Variants in CIITA observed in about 807,000 individuals in gnomAD.
The protein encoded by CIITA is MHC class II transactivator.
In CIITA, 72 loss-of-function variants were observed where a neutral mutation model predicts 115.1. The ratio of observed to expected loss-of-function variants is 0.63; its 90% confidence interval spans 0.52 to 0.76. The LOEUF (loss-of-function observed/expected upper bound fraction) is 0.76. Among genes scored for constraint, CIITA ranks in the 30% least tolerant of loss-of-function variants. CIITA has a pLI of 0.00. For missense variants in CIITA, 1,617 were observed against 1,463.8 expected (o/e 1.10, Z -1.71); for synonymous variants, 763 against 635.6 (o/e 1.20, Z -3.02).
intron 1 of CIITA, among the ~76,000 whole-genome samples, chr16:10,891,973 CG>C (rs2037634503): frequency 6.6e-6 from 1 of 152,144 alleles, no homozygotes; most frequent in South Asian, 2.1e-4. Context: ...CTGTGACATC[CG>C]GGGGTCTGTG....
intron 10 of CIITA, among the ~76,000 whole-genome samples, chr16:10,905,933 T>A (rs1283896231): frequency 6.6e-6 from 1 of 152,090 alleles, no homozygotes; most frequent in East Asian, 1.9e-4. Context: ...ACACCTGTAA[T>A]CCCAGCACTT....
At position 10,927,131 on chromosome 16, in the gene CIITA, T is replaced by TA. The variant is rs561822463; in HGVS notation, c.*3277dup. Reference sequence around the variant, plus strand: ...ATTATGTGAAGGTGTGGTGAGCTAATACGTTAAGAATTGGAGCTCAATAAC... The same window carrying TA: ...ATTATGTGAAGGTGTGGTGAGCTAATAACGTTAAGAATTGGAGCTCAATAAC... On this transcript the variant is annotated 3_prime_UTR_variant, in exon 20 of 20. Coordinates refer to ENST00000324288, the MANE Select transcript of CIITA (RefSeq NM_000246.4). 1.5e-3 allele frequency: 229 copies of TA among 152,366 alleles called. 1 individual carries two copies. The highest frequency in any genetic ancestry group is 5.1e-3 in the African/African-American group (213 of 41,592). 9.4% of individuals were successfully genotyped at this position (152,366 alleles called of 1,614,324 possible). A position where few individuals can be genotyped will look rare whatever the true frequency, so the allele number is the denominator to read the frequency against.
At chr16:10,905,740 G>A (rs748149701) in intron 10 of CIITA, among the ~76,000 whole-genome samples, 8 of 150,966 alleles carry the variant, frequency 5.3e-5, no homozygotes, top group Admixed American at 6.6e-5. Flanking sequence ...CCAGCCTGGG[G>A]CACAGGGCAG....
In CIITA at chr16:10,932,250, T is replaced by C. The variant is rs544511986; in HGVS notation, c.*8395T>C. On this transcript the variant is annotated 3_prime_UTR_variant, in exon 20 of 20. Coordinates refer to ENST00000324288, the MANE Select transcript of CIITA (RefSeq NM_000246.4). The stretch of plus-strand genomic sequence containing the variant: ...GCTCCTGTGTCTTGCAATGGCAGCC[T>C]TGGCAAACGCTAAATGAAAATCGTG... The C allele has an allele frequency of 6.6e-6, 1 of 152,392 alleles. No homozygotes were observed. Among genetic ancestry groups the C allele is most frequent in the African/African-American group, 2.4e-5 (1 of 41,590 alleles). 9.4% of individuals were successfully genotyped at this position (152,392 alleles called of 1,614,324 possible).
Position 10,918,546 on chromosome 16 carries a change from C to T in CIITA, c.3149+20C>T, listed in dbSNP as rs1400796580. Reference sequence around the variant, plus strand: ...GCTAAGGTGAGTGGGGCCCCGGATACCGGTCAGGTGCTGAGCTGGGGGGCT... The same window carrying T: ...GCTAAGGTGAGTGGGGCCCCGGATATCGGTCAGGTGCTGAGCTGGGGGGCT... On this transcript the variant is annotated intron_variant, in intron 16 of 19. Coordinates refer to ENST00000324288, the MANE Select transcript of CIITA (RefSeq NM_000246.4). 1 of 1,610,320 alleles carries T rather than the reference C, an allele frequency of 6.2e-7. No individual in the cohort carries two copies. The highest frequency in any genetic ancestry group is 1.3e-5 in the African/African-American group (1 of 74,866).
intron 10 of CIITA, 116 bp downstream of exon 10, chr16:10,904,928 C>A: frequency 9.6e-7 from 1 of 1,036,412 alleles, no homozygotes; most frequent in Non-Finnish European, 1.5e-6. Context: ...CTCACACACT[C>A]ATTTATTTAT....
intron 3 of CIITA, among the ~76,000 whole-genome samples, chr16:10,897,140 C>A (rs554053889): frequency 6.6e-6 from 1 of 152,300 alleles, no homozygotes; most frequent in South Asian, 2.1e-4. Flanking sequence ...AAACAACATA[C>A]CTGACACTGA....
In CIITA at chr16:10,927,102, T is replaced by C. The variant is rs2040563013; in HGVS notation, c.*3247T>C. On this transcript the variant is annotated 3_prime_UTR_variant, in exon 20 of 20. Transcript: ENST00000324288. ...GGGCATAACCACAGCACCTTCTTTATAGGATTATGTGAAGGTGTGGTGAGC... is the reference window on the plus strand; with the variant it reads ...GGGCATAACCACAGCACCTTCTTTACAGGATTATGTGAAGGTGTGGTGAGC... The C allele has an allele frequency of 6.6e-6, 1 of 152,248 alleles. No individual in the cohort carries two copies. Among genetic ancestry groups the C allele is most frequent in the Non-Finnish European group, 1.5e-5 (1 of 68,046 alleles). 9.4% of individuals were successfully genotyped at this position (152,248 alleles called of 1,614,324 possible). A position where few individuals can be genotyped will look rare whatever the true frequency, so the allele number is the denominator to read the frequency against.
At chr16:10,939,100 CA>C (rs1220554865), downstream of CIITA, 1 of 152,166 alleles carries the variant, frequency 6.6e-6, no homozygotes, top group African/African-American at 2.4e-5. This position sits in a 1 kb window ranked among gnomAD's most constrained non-coding sequence, Gnocchi z 4.9. Context: ...AGTGCATATG[CA>C]AAGGGCCTAG....
In CIITA at chr16:10,914,195, C is replaced by T. The variant is rs187707324; in HGVS notation, c.2889-1375C>T. On this transcript the variant is annotated intron_variant, in intron 13 of 19. Coordinates refer to ENST00000324288, the MANE Select transcript of CIITA (RefSeq NM_000246.4). ...TAGTAGGCAAGCGGTCAATATTTAA[C>T]AACGAATGCCTTAATCCAAGAACCC... Among the ~76,000 whole-genome samples the T allele has an allele frequency of 1.5e-3, 226 of 152,268 alleles. 1 individual carries two copies. Among genetic ancestry groups the T allele is most frequent in the Admixed American group, 2.7e-3 (41 of 15,292 alleles).
chr16:10,917,391 C>G (rs1338031045), intron 15 of CIITA, among the ~76,000 whole-genome samples: 3 of 151,744 alleles, frequency 2.0e-5, no homozygotes, highest in Non-Finnish European at 2.9e-5. Context: ...CCAGGCTGGT[C>G]TTGAACTTCT....
At chr16:10,938,808 G>T (rs928048425), downstream of CIITA, 2 of 152,222 alleles carry the variant, frequency 1.3e-5, no homozygotes, top group African/African-American at 4.8e-5. This position sits in a 1 kb window ranked among gnomAD's most constrained non-coding sequence, Gnocchi z 4.9. Flanking sequence ...GGGTGTCCCT[G>T]AGAGATATTT....
rs2038053699 is a variant in CIITA, at chr16:10,895,622, C to G, written c.200-47C>G. ...GCCTCTCCCTCGTTCCCCACCAGCC[C>G]TCTTTCCAGAAATTTCCTTCTTCAT... On this transcript the variant is annotated intron_variant, in intron 2 of 19. Transcript: ENST00000324288. 2.5e-6 allele frequency: 4 copies of G among 1,611,214 alleles called. No individual in the cohort carries two copies. In the African/African-American group the frequency reaches 4.0e-5, roughly 16 times the overall value.
chr16:10,885,779 A>G (rs534130768), intron 1 of CIITA, among the ~76,000 whole-genome samples: 2 of 152,282 alleles, frequency 1.3e-5, no homozygotes, highest in African/African-American at 2.4e-5. Flanking sequence ...GTGAACATCT[A>G]TAGGTACCAG....
Position 10,902,566 on chromosome 16 carries a change from A to AG in CIITA, c.629-86dup, listed in dbSNP as rs35407222. Reference sequence around the variant, plus strand: ...GCTCTTAGGGAAATTAGGGCCCTTTAGGGGGGTCAGACATTAATCAAATAA... The same window carrying AG: ...GCTCTTAGGGAAATTAGGGCCCTTTAGGGGGGGTCAGACATTAATCAAATAA... On this transcript the variant is annotated intron_variant, in intron 7 of 19. Coordinates refer to ENST00000324288, the MANE Select transcript of CIITA (RefSeq NM_000246.4). 182 of 1,529,682 alleles carry AG rather than the reference A, an allele frequency of 1.2e-4. No individual in the cohort carries two copies. In the African/African-American group the frequency reaches 2.3e-3, roughly 19 times the overall value. The allele number at this position is 1,529,682 out of a possible 1,614,324, so 94.8% of individuals were successfully genotyped here. A position where few individuals can be genotyped will look rare whatever the true frequency, so the allele number is the denominator to read the frequency against.
chr16:10,941,675 G>C lies in CIITA; in HGVS notation n.801G>C. On this transcript the variant is annotated non_coding_transcript_exon_variant, in exon 2 of 2. Transcript: ENST00000573379. The surrounding 1 kb of genome is among the most constrained non-coding windows in gnomAD (Gnocchi z 6.4). ...ATCTGGGCGGCTGGTCCAGGGCATG[G>C]GTTGCGGATCGTGTAGGGAAGAGGG... is the stretch of plus-strand genomic sequence containing the variant. 1 of 1,563,426 alleles carries C rather than the reference G, an allele frequency of 6.4e-7. No homozygotes were observed. The highest frequency in any genetic ancestry group is 8.7e-7 in the Non-Finnish European group (1 of 1,151,800).
chr16:10,879,209 C>G lies in CIITA; in HGVS notation c.52+1827C>G, dbSNP rs948032356. ...CACCTCGTTTCCAGCATCCCCGCAACGACTCTGCGCGGGAACCAGGAGCCG... is the reference window on the plus strand; with the variant it reads ...CACCTCGTTTCCAGCATCCCCGCAAGGACTCTGCGCGGGAACCAGGAGCCG... On this transcript the variant is annotated intron_variant, in intron 1 of 19. Coordinates refer to ENST00000324288, the MANE Select transcript of CIITA (RefSeq NM_000246.4). The surrounding 1 kb of genome is among the most constrained non-coding windows in gnomAD (Gnocchi z 4.3). Among the ~76,000 whole-genome samples the G allele has an allele frequency of 6.6e-6, 1 of 152,184 alleles. No homozygotes were observed. Among genetic ancestry groups the G allele is most frequent in the African/African-American group, 2.4e-5 (1 of 41,432 alleles).
At chr16:10,906,422 A>T in intron 10 of CIITA, 77 bp from the exon 11 acceptor site, 3 of 1,459,824 alleles carry the variant, frequency 2.1e-6, no homozygotes, top group Non-Finnish European at 2.9e-6. Flanking sequence ...TGATGGTGGC[A>T]GTGCTGGCCT....
intron 17 of CIITA, 78 bp downstream of exon 17, chr16:10,922,328 G>A (rs2040318171): frequency 6.2e-7 from 1 of 1,608,338 alleles, no homozygotes; most frequent in South Asian, 1.1e-5. Flanking sequence ...TGTCCTGGAA[G>A]AGCTGGATGT....
Sources: allele counts gnomAD v4.1 joint callset (sites outside exome capture counted in the v4.1 genomes callset), GRCh38; gene constraint gnomAD v4.1.1; non-coding constraint Gnocchi (gnomAD v3.1); transcripts MANE v1.5; gene names NCBI Gene and HGNC (gene_info 2026-07-23, HGNC 2026-07-21).